The following XKR6 variants were observed in gnomAD, a reference collection of about 807,000 sequenced individuals.
XKR6 encodes the protein XK-related protein 6.
A neutral mutation model predicts 56.7 loss-of-function variants in XKR6; 22 were observed. The observed-to-expected ratio is 0.39, with a 90% CI of 0.28 to 0.55. The LOEUF (loss-of-function observed/expected upper bound fraction) is 0.55. Ranked by LOEUF, XKR6 falls within the 20% of genes least tolerant of loss-of-function variation. XKR6 has a pLI of 0.66. For missense variants in XKR6, 852 were observed against 889.0 expected (o/e 0.96, Z 0.53); for synonymous variants, 524 against 387.8 (o/e 1.35, Z -4.13).
intron 1 of XKR6, among the ~76,000 whole-genome samples, chr8:11,041,555 CA>C (rs397892339): frequency 0.027 from 3,578 of 134,400 alleles, 105 homozygotes; most frequent in African/African-American, 0.076. Context: ...GACTTTGTCT[CA>C]AAAAAAAAAA....
chr8:11,042,383 C>T (rs1769539191), intron 1 of XKR6, among the ~76,000 whole-genome samples: 3 of 152,032 alleles, frequency 2.0e-5, no homozygotes, highest in Admixed American at 6.6e-5. Context: ...GTAACTGAAC[C>T]GTGGGGACAG....
chr8:11,086,244 A>G (rs1273994330), intron 1 of XKR6, among the ~76,000 whole-genome samples: 1 of 151,962 alleles, frequency 6.6e-6, no homozygotes, highest in Non-Finnish European at 1.5e-5. Context: ...CTTAAATGTA[A>G]ATTAGTTATC....
At chr8:11,123,893 C>G (rs952932178) in intron 1 of XKR6, 1 of 456,280 alleles carries the variant, frequency 2.2e-6, no homozygotes, top group Non-Finnish European at 4.4e-6. Flanking sequence ...TCTTCTGGGA[C>G]TGCCCTTCCC....
At chr8:11,101,324 G>A (rs1798472132) in intron 1 of XKR6, among the ~76,000 whole-genome samples, 2 of 152,184 alleles carry the variant, frequency 1.3e-5, no homozygotes, top group African/African-American at 2.4e-5. Flanking sequence ...TATTCATGCA[G>A]AGCGGCCTTG....
At chr8:11,065,626 GAGA>G (rs1002250168) in intron 1 of XKR6, among the ~76,000 whole-genome samples, 14 of 151,436 alleles carry the variant, frequency 9.2e-5, no homozygotes, top group African/African-American at 3.4e-4. Context: ...AGACAGCCTC[GAGA>G]AGGTTAGTAT....
intron 1 of XKR6, among the ~76,000 whole-genome samples, chr8:10,995,141 G>C (rs1219723159): frequency 2.0e-5 from 3 of 152,128 alleles, no homozygotes; most frequent in Non-Finnish European, 2.9e-5. Flanking sequence ...GTATAGACGA[G>C]AGCATTTTTG....
At chr8:11,139,807 G>C (rs1048762065) in intron 1 of XKR6, among the ~76,000 whole-genome samples, 2 of 152,156 alleles carry the variant, frequency 1.3e-5, no homozygotes, top group African/African-American at 4.8e-5. Flanking sequence ...ATACAAACAA[G>C]CACCGAAAGC....
intron 1 of XKR6, among the ~76,000 whole-genome samples, chr8:11,112,966 T>C (rs1355737484): frequency 3.3e-5 from 5 of 152,178 alleles, no homozygotes; most frequent in Non-Finnish European, 5.9e-5. Flanking sequence ...CAGAATTACA[T>C]GACAACTGAG....
chr8:11,190,285 T>TAAAAG (rs1164963953), intron 1 of XKR6, among the ~76,000 whole-genome samples: 136 of 145,264 alleles, frequency 9.4e-4, no homozygotes, highest in Middle Eastern at 3.2e-3. Context: ...GAAAGGAAAA[T>TAAAAG]AAAAGAAAAG....
At chr8:11,070,997 G>C (rs1289631831) in intron 1 of XKR6, among the ~76,000 whole-genome samples, 2 of 152,334 alleles carry the variant, frequency 1.3e-5, no homozygotes, top group Admixed American at 6.5e-5. Context: ...ATAGTCACTG[G>C]CACACAGTGG....
chr8:11,074,617 T>C (rs1407118824), intron 1 of XKR6, among the ~76,000 whole-genome samples: 2 of 152,156 alleles, frequency 1.3e-5, no homozygotes, highest in East Asian at 3.9e-4. Flanking sequence ...TCTGAGCACT[T>C]GGTATGTACC....
chr8:10,970,087 C>T (rs756654813), intron 1 of XKR6, among the ~76,000 whole-genome samples: 1 of 152,232 alleles, frequency 6.6e-6, no homozygotes, highest in African/African-American at 2.4e-5. Flanking sequence ...TGTCACCTCT[C>T]GCAGGAGTGG....
chr8:10,938,387 G>C (rs1022545752), intron 1 of XKR6, among the ~76,000 whole-genome samples: 1 of 152,204 alleles, frequency 6.6e-6, no homozygotes, highest in Non-Finnish European at 1.5e-5. Context: ...GGGAGCTGTA[G>C]AGCGGAGCTG....
At chr8:10,900,530 T>C (rs190563321) in intron 2 of XKR6, among the ~76,000 whole-genome samples, 33 of 152,374 alleles carry the variant, frequency 2.2e-4, no homozygotes, top group African/African-American at 7.9e-4. Context: ...TGTGTGACTC[T>C]TTCATAGTAA....
At chr8:11,103,914 C>G (rs1798579456) in intron 1 of XKR6, among the ~76,000 whole-genome samples, 1 of 152,192 alleles carries the variant, frequency 6.6e-6, no homozygotes, top group South Asian at 2.1e-4. Context: ...GTAATGCCTT[C>G]CACTGTTGCG....
intron 1 of XKR6, among the ~76,000 whole-genome samples, chr8:11,132,223 T>C (rs562672139): frequency 6.6e-6 from 1 of 152,194 alleles, no homozygotes; most frequent in South Asian, 2.1e-4. Context: ...TTGAGACAAG[T>C]TATCCTCAAG....
intron 1 of XKR6, among the ~76,000 whole-genome samples, chr8:11,092,825 G>A (rs994540914): frequency 2.0e-5 from 3 of 152,180 alleles, no homozygotes; most frequent in South Asian, 2.1e-4. Flanking sequence ...ATGGAAGACT[G>A]GAGCAGAAAG....
Position 11,184,427 on chromosome 8 carries a change from T to A in XKR6, c.764+16149A>T, listed in dbSNP as rs774471227. On this transcript the variant is annotated intron_variant, in intron 1 of 2. Coordinates refer to ENST00000416569, the MANE Select transcript of XKR6 (RefSeq NM_173683.4). ...CACACACACACACACACACTTATAT[T>A]ACATTTATTAGTAACCTAATTTTTA... 6.9e-4 allele frequency among the ~76,000 whole-genome samples: 105 copies of A among 151,136 alleles called. No individual in the cohort carries two copies. The Middle Eastern group carries it at 0.017, about 25-fold the overall frequency.
intron 1 of XKR6, chr8:11,128,752 A>T (rs923351458): frequency 2.3e-6 from 1 of 434,360 alleles, no homozygotes; most frequent in African/African-American, 2.0e-5. Context: ...CATCCTTTCC[A>T]ACTTTCTTTC....
Sources: gnomAD v4.1 joint callset for allele counts (sites outside exome capture counted in the v4.1 genomes callset) on GRCh38, gnomAD v4.1.1 for gene constraint, MANE v1.5 for transcripts, NCBI Gene and HGNC (gene_info 2026-07-23, HGNC 2026-07-21) for gene names.